MCPH1: variants seen among roughly 807,000 people sequenced by gnomAD.
MCPH1 encodes the protein microcephalin 1, also known as microcephalin.
MCPH1 carries 104 observed loss-of-function variants against 84.5 expected under a neutral mutation model. That is an observed-to-expected ratio of 1.23 (90% CI 1.05 to 1.45). MCPH1 has a LOEUF of 1.45. Among genes scored for constraint, MCPH1 ranks in the 40% most tolerant of loss-of-function variants. The pLI is 0.00. For missense variants in MCPH1, 1,498 were observed against 1,005.7 expected, an observed-to-expected ratio of 1.49 and a Z score of -6.62; for synonymous variants, 514 against 366.8, an observed-to-expected ratio of 1.40 and a Z score of -4.58.
At chr8:6,424,573 C>G (rs1405985522) in intron 3 of MCPH1, among the ~76,000 whole-genome samples, 1 of 152,214 alleles carries the variant, frequency 6.6e-6, no homozygotes, top group Non-Finnish European at 1.5e-5. Context: ...GCTTTTGTGA[C>G]TTTGACACTG....
chr8:6,477,136 G>A (rs1808575150), intron 9 of MCPH1: 1 of 156,826 alleles, frequency 6.4e-6, no homozygotes, highest in Non-Finnish European at 1.4e-5. Context: ...TTCTGTATGT[G>A]GGGGATTCAC....
intron 11 of MCPH1, among the ~76,000 whole-genome samples, chr8:6,491,553 C>G (rs1051193592): frequency 6.6e-6 from 1 of 151,466 alleles, no homozygotes; most frequent in East Asian, 1.9e-4. Context: ...TATGCATGTG[C>G]CATGCTGGTG....
In MCPH1 at chr8:6,442,091, A is replaced by G. The variant is rs369302385; in HGVS notation, c.605A>G (p.His202Arg). 40 of 1,613,188 alleles carry G rather than the reference A, an allele frequency of 2.5e-5. No individual in the cohort carries two copies. The highest frequency in any genetic ancestry group is 4.5e-5 in the East Asian group (2 of 44,866). The change falls in exon 7 of 14, where the codon CAT becomes CGT. Residue 202 changes from histidine (H) to arginine (R), a missense_variant. Coordinates refer to ENST00000344683, the MANE Select transcript of MCPH1 (RefSeq NM_024596.5). ...PTSSQMIQQS[H>R]DNPSNSLCEA... Reference sequence around the variant, plus strand: ...GCTTCCCAAATGATTCAGCAGTCTCATGATAATCCAAGTAACTCTCTGTGT... The same window carrying G: ...GCTTCCCAAATGATTCAGCAGTCTCGTGATAATCCAAGTAACTCTCTGTGT...
At chr8:6,472,690 A>G (rs1807903232) in intron 9 of MCPH1, among the ~76,000 whole-genome samples, 1 of 151,952 alleles carries the variant, frequency 6.6e-6, no homozygotes, top group Non-Finnish European at 1.5e-5. Flanking sequence ...CTGGTCTCGA[A>G]CTCCTGACCT....
chr8:6,609,606 C>A (rs1830075758), intron 12 of MCPH1, among the ~76,000 whole-genome samples: 1 of 152,194 alleles, frequency 6.6e-6, no homozygotes, highest in African/African-American at 2.4e-5. Context: ...TCATGGAGAA[C>A]AGAAAGTCCC....
intron 8 of MCPH1, chr8:6,446,065 A>C (rs1804323575): frequency 1.0e-5 from 10 of 980,416 alleles, no homozygotes; most frequent in Non-Finnish European, 1.2e-5. Flanking sequence ...GTCAGTGTTA[A>C]CTATGAAGAA....
intron 3 of MCPH1, among the ~76,000 whole-genome samples, chr8:6,430,801 T>C (rs1801730406): frequency 6.6e-6 from 1 of 152,074 alleles, no homozygotes; most frequent in South Asian, 2.1e-4. Flanking sequence ...AAATTTAAGA[T>C]TAATATTTCA....
At chr8:6,550,727 T>C (rs757681781) in intron 12 of MCPH1, among the ~76,000 whole-genome samples, 1 of 152,214 alleles carries the variant, frequency 6.6e-6, no homozygotes, top group Non-Finnish European at 1.5e-5. Context: ...AGAAATTTTA[T>C]CAGAGTTTTG....
At chr8:6,523,738 C>T (rs554502761) in intron 12 of MCPH1, among the ~76,000 whole-genome samples, 38 of 152,228 alleles carry the variant, frequency 2.5e-4, no homozygotes, top group African/African-American at 8.2e-4. Flanking sequence ...TACAGGTGTG[C>T]CACCACGCCC....
intron 11 of MCPH1, among the ~76,000 whole-genome samples, chr8:6,485,588 G>A (rs951185536): frequency 6.7e-6 from 1 of 148,764 alleles, no homozygotes; most frequent in Non-Finnish European, 1.5e-5. Flanking sequence ...TTTGCCCTCT[G>A]TGCTACCTTT....
intron 12 of MCPH1, among the ~76,000 whole-genome samples, chr8:6,544,120 C>T (rs2442597): frequency 0.94 from 143,384 of 152,324 alleles, 67,923 homozygotes; most frequent in Non-Finnish European, 1. Context: ...GTTTTCCAAA[C>T]ATAACTTTTA....
intron 12 of MCPH1, among the ~76,000 whole-genome samples, chr8:6,608,746 C>T (rs566303864): frequency 3.0e-4 from 46 of 152,266 alleles, no homozygotes; most frequent in Non-Finnish European, 4.9e-4. Context: ...TCAAACTCCC[C>T]GGGTGACTGC....
At position 6,568,559 on chromosome 8, in the gene MCPH1, C is replaced by T. The variant is rs114917224; in HGVS notation, c.2215-52895C>T. On this transcript the variant is annotated intron_variant, in intron 12 of 13. Transcript: ENST00000344683. ...TGGGGCCACCAGCCTGACCCAGGCCCGGGGTCGTTTTGCTTTTCCAACCTG... is the reference window on the plus strand; with the variant it reads ...TGGGGCCACCAGCCTGACCCAGGCCTGGGGTCGTTTTGCTTTTCCAACCTG... Among the ~76,000 whole-genome samples, 1,060 of 152,266 alleles carry T rather than the reference C, an allele frequency of 7.0e-3. 11 individuals carry two copies. The highest frequency in any genetic ancestry group is 0.023 in the African/African-American group (969 of 41,556).
intron 8 of MCPH1, chr8:6,446,516 C>T (rs1399471538): frequency 7.1e-6 from 7 of 984,126 alleles, no homozygotes; most frequent in Non-Finnish European, 8.4e-6. Flanking sequence ...TTTTGGCCTG[C>T]TATTTATATC....
At chr8:6,618,914 C>T (rs897655929) in intron 12 of MCPH1, 4 of 152,168 alleles carry the variant, frequency 2.6e-5, no homozygotes, top group Non-Finnish European at 5.9e-5. Flanking sequence ...GTCCCGTGGC[C>T]TCTGGGGGCT....
In MCPH1 at chr8:6,496,419, C is replaced by G. The variant is rs113869758; in HGVS notation, c.2137-3433C>G. 9.2e-3 allele frequency among the ~76,000 whole-genome samples: 1,404 copies of G among 152,286 alleles called. 24 individuals are homozygous for G. Among genetic ancestry groups the G allele is most frequent in the African/African-American group, 0.031 (1,294 of 41,542 alleles). On this transcript the variant is annotated intron_variant, in intron 11 of 13. Transcript: ENST00000344683. Reference sequence around the variant, plus strand: ...CCACTCACCTCCTGCTGTGTGGCCCCGTTCCTAATAGGCCACAGACTGGTA... The same window carrying G: ...CCACTCACCTCCTGCTGTGTGGCCCGGTTCCTAATAGGCCACAGACTGGTA...
chr8:6,607,638 C>T (rs144981362), intron 12 of MCPH1, among the ~76,000 whole-genome samples: 208 of 152,210 alleles, frequency 1.4e-3, no homozygotes, highest in African/African-American at 4.7e-3. Flanking sequence ...GGGAGATAAT[C>T]GAATCATGGG....
In MCPH1 at chr8:6,571,119, CA is replaced by C. The variant is rs148694176; in HGVS notation, c.2215-50328del. ...ATTATGGAATATTTTATCTTCCCAT[CA>C]AAAAAATGCCAGAAGGTCAAGATAG... On this transcript the variant is annotated intron_variant, in intron 12 of 13. Transcript: ENST00000344683. Among the ~76,000 whole-genome samples, 1,469 of 151,936 alleles carry C rather than the reference CA, an allele frequency of 9.7e-3. 20 individuals carry two copies. The highest frequency in any genetic ancestry group is 0.033 in the African/African-American group (1,386 of 41,440).
chr8:6,476,035 G>T (rs574114391), intron 9 of MCPH1, among the ~76,000 whole-genome samples: 1 of 152,282 alleles, frequency 6.6e-6, no homozygotes, highest in African/African-American at 2.4e-5. Flanking sequence ...CATCAAAATA[G>T]ATGCCAAGGC....
Sources: allele counts gnomAD v4.1 joint callset (sites outside exome capture counted in the v4.1 genomes callset), GRCh38; gene constraint gnomAD v4.1.1; transcripts MANE v1.5; gene names NCBI Gene and HGNC (gene_info 2026-07-23, HGNC 2026-07-21).